Variants in CADM2 observed in about 807,000 individuals in gnomAD.
The protein encoded by CADM2 is cell adhesion molecule 2.
A neutral mutation model predicts 49.8 loss-of-function variants in CADM2; 12 were observed. The ratio of observed to expected loss-of-function variants is 0.24; its 90% CI spans 0.15 to 0.39. The LOEUF (loss-of-function observed/expected upper bound fraction) is 0.39, where lower values mean the gene tolerates loss of function less well. Ranked by LOEUF, CADM2 falls within the 10% of genes least tolerant of loss-of-function variation. The probability of loss-of-function intolerance (pLI) is 1.00; values close to 1 mark genes in which losing one functional copy is unlikely to be tolerated. For synonymous variants in CADM2, 214 were observed against 175.4 expected (o/e 1.22, Z -1.74); for missense variants, 378 against 492.3 (o/e 0.77, Z 2.20).
intron 1 of CADM2, among the ~76,000 whole-genome samples, chr3:85,397,536 T>C (rs1478073625): frequency 6.6e-6 from 1 of 152,176 alleles, no homozygotes; most frequent in Non-Finnish European, 1.5e-5. Flanking sequence ...TACAGTGGAA[T>C]ATTATTCAGC....
chr3:85,390,044 A>C (rs1020936798), intron 1 of CADM2, among the ~76,000 whole-genome samples: 11 of 152,110 alleles, frequency 7.2e-5, no homozygotes, highest in Non-Finnish European at 1.0e-4. Context: ...ATATACATAT[A>C]AGAAGGAATA....
intron 1 of CADM2, among the ~76,000 whole-genome samples, chr3:85,617,982 T>A (rs2063844783): frequency 6.6e-6 from 1 of 152,176 alleles, no homozygotes; most frequent in Non-Finnish European, 1.5e-5. Flanking sequence ...ACTCTGCTCA[T>A]CTCCATTGTG....
intron 3 of CADM2, among the ~76,000 whole-genome samples, chr3:85,860,890 A>G (rs1023973166): frequency 6.6e-6 from 1 of 152,140 alleles, no homozygotes; most frequent in African/African-American, 2.4e-5. Context: ...CACAAAATGA[A>G]GTACACACAC....
intron 1 of CADM2, among the ~76,000 whole-genome samples, chr3:85,303,279 C>T (rs927133593): frequency 1.3e-5 from 2 of 151,982 alleles, no homozygotes; most frequent in Non-Finnish European, 1.5e-5. Flanking sequence ...TCTTCCTCCC[C>T]GGTTCTGCAG....
intron 1 of CADM2, among the ~76,000 whole-genome samples, chr3:85,054,830 A>G (rs2107419834): frequency 6.6e-6 from 1 of 151,952 alleles, no homozygotes; most frequent in South Asian, 2.1e-4. Context: ...ACATGAAACA[A>G]TTGCTTCTCT....
intron 3 of CADM2, among the ~76,000 whole-genome samples, chr3:85,854,895 A>C (rs1003717203): frequency 3.3e-5 from 5 of 152,294 alleles, no homozygotes; most frequent in African/African-American, 1.2e-4. Context: ...AAATGAGAAT[A>C]CCTTAGTAAC....
intron 1 of CADM2, among the ~76,000 whole-genome samples, chr3:85,221,130 G>A (rs1002215398): frequency 9.9e-5 from 15 of 152,078 alleles, no homozygotes; most frequent in Admixed American, 3.9e-4. Context: ...ATACTTCCTC[G>A]TTATAAACGA....
intron 1 of CADM2, among the ~76,000 whole-genome samples, chr3:84,986,880 C>T (rs895411371): frequency 2.6e-5 from 4 of 151,474 alleles, no homozygotes; most frequent in Admixed American, 1.3e-4. Context: ...GGAGAAACCC[C>T]GTCTCTACTA....
At chr3:85,580,400 T>C (rs1300960758) in intron 1 of CADM2, among the ~76,000 whole-genome samples, 2 of 152,146 alleles carry the variant, frequency 1.3e-5, no homozygotes, top group African/African-American at 2.4e-5. Context: ...GGTGGTAGTT[T>C]AAAAGGTGGT....
chr3:85,920,730 G>T (rs1041698878), intron 6 of CADM2, among the ~76,000 whole-genome samples: 1 of 151,250 alleles, frequency 6.6e-6, no homozygotes, highest in African/African-American at 2.4e-5. Flanking sequence ...CCATCTACAG[G>T]CAAGGATTCA....
chr3:86,006,135 T>C (rs781633003), intron 8 of CADM2, among the ~76,000 whole-genome samples: 6 of 152,232 alleles, frequency 3.9e-5, no homozygotes, highest in Non-Finnish European at 5.9e-5. Flanking sequence ...ACATTGAGGT[T>C]GCTTCCAAAT....
chr3:85,175,705 C>G (rs2040764655), intron 1 of CADM2, among the ~76,000 whole-genome samples: 1 of 151,964 alleles, frequency 6.6e-6, no homozygotes, highest in Non-Finnish European at 1.5e-5. Flanking sequence ...GTCCACAGTG[C>G]TACAGACCTG....
chr3:85,741,335 G>GAA (rs56786425), intron 2 of CADM2, among the ~76,000 whole-genome samples: 30,034 of 148,850 alleles, frequency 0.2, 3,597 homozygotes, highest in African/African-American at 0.34. Flanking sequence ...CCCCTCAAGA[G>GAA]AAAAAAAAAA....
At chr3:85,452,078 C>T (rs1370138286) in intron 1 of CADM2, among the ~76,000 whole-genome samples, 1 of 152,066 alleles carries the variant, frequency 6.6e-6, no homozygotes, top group Non-Finnish European at 1.5e-5. Context: ...GTGCTTCCGT[C>T]GCTCAAATAA....
intron 1 of CADM2, among the ~76,000 whole-genome samples, chr3:85,457,838 G>T (rs1039116639): frequency 5.3e-5 from 8 of 152,026 alleles, no homozygotes; most frequent in Admixed American, 5.2e-4. Context: ...ATTTTTAATT[G>T]ATTTTGGACA....
intron 3 of CADM2, chr3:85,827,962 A>G (rs1240303161): frequency 6.6e-6 from 1 of 151,872 alleles, no homozygotes; most frequent in Non-Finnish European, 1.5e-5. Context: ...AGTTTATGAA[A>G]AGAATAAGAG....
intron 1 of CADM2, among the ~76,000 whole-genome samples, chr3:85,408,129 GC>G (rs1481042596): frequency 7.9e-5 from 12 of 151,184 alleles, no homozygotes; most frequent in Non-Finnish European, 1.8e-4. Context: ...AGTATAGATA[GC>G]AAGAAAAGAT....
intron 1 of CADM2, among the ~76,000 whole-genome samples, chr3:85,715,539 A>T (rs968928404): frequency 6.6e-6 from 1 of 152,102 alleles, no homozygotes; most frequent in Non-Finnish European, 1.5e-5. Context: ...AAGTTCTGGG[A>T]TACATGTGCA....
chr3:86,068,242 T>C lies in CADM2; in HGVS notation c.*1459T>C, dbSNP rs1021494138. On this transcript the variant is annotated 3_prime_UTR_variant, in exon 10 of 10. Coordinates refer to ENST00000383699, the MANE Select transcript of CADM2 (RefSeq NM_001167675.2). ...TCTGGATTATTTTAAAATTTTGGCG[T>C]GTTTAACCATTAAGAAATGCTGTAT... 2.0e-4 allele frequency: 30 copies of C among 152,552 alleles called. No homozygotes were observed. Among genetic ancestry groups the C allele is most frequent in the African/African-American group, 6.7e-4 (28 of 41,574 alleles). The allele number at this position is 152,552 out of a possible 1,614,324, so 9.4% of individuals were successfully genotyped here. A position where few individuals can be genotyped will look rare whatever the true frequency, so the allele number is the denominator to read the frequency against.
Sources: gnomAD v4.1 joint callset for allele counts (sites outside exome capture counted in the v4.1 genomes callset) on GRCh38, gnomAD v4.1.1 for gene constraint, MANE v1.5 for transcripts, NCBI Gene and HGNC (gene_info 2026-07-23, HGNC 2026-07-21) for gene names.